Variants in ZC3H18 observed in about 807,000 individuals in gnomAD.
ZC3H18 encodes zinc finger CCCH domain-containing protein 18.
A neutral mutation model predicts 106.1 loss-of-function variants in ZC3H18; 8 were observed. The ratio of observed to expected loss-of-function variants is 0.08; its 90% confidence interval spans 0.04 to 0.14. The LOEUF (loss-of-function observed/expected upper bound fraction) is 0.14. ZC3H18 is among the 10% of genes least tolerant of loss of function. The pLI, the probability that ZC3H18 is intolerant of heterozygous loss-of-function variation, is 1.00. For missense variants in ZC3H18, 1,318 were observed against 1,278.4 expected (o/e 1.03, Z -0.47); for synonymous variants, 635 against 522.1 (o/e 1.22, Z -2.95).
At chr16:88,630,865 T>C (rs987399538) in intron 17 of ZC3H18, among the ~76,000 whole-genome samples, 1 of 151,160 alleles carries the variant, frequency 6.6e-6, no homozygotes, top group African/African-American at 2.4e-5. Flanking sequence ...GTGGGAAGAA[T>C]AACAGGAGGT....
At chr16:88,572,033 A>G (rs1311245632) in intron 1 of ZC3H18, among the ~76,000 whole-genome samples, 1 of 152,246 alleles carries the variant, frequency 6.6e-6, no homozygotes, top group African/African-American at 2.4e-5. Context: ...GTCTTATTCA[A>G]TAGTCACCCT....
chr16:88,588,545 ATCCTGTCTC>A (rs146415319), intron 3 of ZC3H18, among the ~76,000 whole-genome samples: 10,111 of 152,266 alleles, frequency 0.066, 448 homozygotes, highest in Middle Eastern at 0.099. Flanking sequence ...CACAGACAGG[ATCCTGTCTC>A]CTTGCACATC....
Position 88,627,485 on chromosome 16 carries a change from T to C in ZC3H18, c.2109-137T>C, listed in dbSNP as rs1376650569. 2.4e-6 allele frequency: 3 copies of C among 1,231,512 alleles called. No homozygotes were observed. The African/African-American group carries it at 4.5e-5, about 19-fold the overall frequency. The allele number at this position is 1,231,512 out of a possible 1,614,324, so 76.3% of individuals were successfully genotyped here. On this transcript the variant is annotated intron_variant, in intron 13 of 17. Coordinates refer to ENST00000301011, the MANE Select transcript of ZC3H18 (RefSeq NM_144604.4). This position sits in a 1 kb window ranked among gnomAD's most constrained non-coding sequence, Gnocchi z 4.5. ...ACTTTGTAACCCTGAAACTGCCCAG[T>C]GTCCCCCCAAAATCACACATTCCGT...
intron 3 of ZC3H18, among the ~76,000 whole-genome samples, chr16:88,589,582 A>G (rs2142607002): frequency 6.6e-6 from 1 of 152,304 alleles, no homozygotes; most frequent in South Asian, 2.1e-4. Context: ...AGAGACAGAA[A>G]GCAGATTGTG....
rs1906481928 is a variant in ZC3H18, at chr16:88,628,809, C to G, written c.2521C>G (p.Gln841Glu). 2 of 1,614,132 alleles carry G rather than the reference C, an allele frequency of 1.2e-6. No individual in the cohort carries two copies. Among genetic ancestry groups the G allele is most frequent in the Non-Finnish European group, 1.7e-6 (2 of 1,179,998 alleles). Residue 841 changes from glutamine to glutamate, a missense_variant, in exon 16 of 18, where the codon CAG (glutamine) becomes GAG (glutamate). Transcript: ENST00000301011. The stretch of plus-strand genomic sequence containing the variant: ...CTATGAACCATCAGACAAGGACAGG[C>G]AGAGCCCTCCTCCAGCCAAGCGGCC... ...KRYEPSDKDR[Q>E]SPPPAKRPNT...
intron 8 of ZC3H18, among the ~76,000 whole-genome samples, chr16:88,618,939 C>T (rs1721199475): frequency 6.6e-6 from 1 of 152,228 alleles, no homozygotes; most frequent in Admixed American, 6.5e-5. Flanking sequence ...AGCTGAGCCG[C>T]ACTCGGTGGG....
At chr16:88,586,897 G>T (rs1427213441) in intron 3 of ZC3H18, among the ~76,000 whole-genome samples, 2 of 152,174 alleles carry the variant, frequency 1.3e-5, no homozygotes, top group Non-Finnish European at 2.9e-5. Flanking sequence ...TTTAATGACT[G>T]CCTTGGTGGG....
At chr16:88,618,036 T>C (rs1454674455) in intron 8 of ZC3H18, among the ~76,000 whole-genome samples, 1 of 152,394 alleles carries the variant, frequency 6.6e-6, no homozygotes, top group Non-Finnish European at 1.5e-5. Context: ...GGGATTTTCA[T>C]GTGCAGTTGA....
chr16:88,623,687 A>T (rs1906111793), intron 10 of ZC3H18: 1 of 577,820 alleles, frequency 1.7e-6, no homozygotes, highest in South Asian at 2.5e-5. Flanking sequence ...ACTGCCAAGG[A>T]GCCTGTCTCC....
At chr16:88,621,650 C>G (rs35609720) in intron 8 of ZC3H18, among the ~76,000 whole-genome samples, 11,414 of 152,176 alleles carry the variant, frequency 0.075, 496 homozygotes, top group Middle Eastern at 0.11. Context: ...GCCATCGCGC[C>G]CAGCCTAATT....
chr16:88,574,154 CGT>C (rs1270630726), intron 1 of ZC3H18, among the ~76,000 whole-genome samples: 1 of 152,006 alleles, frequency 6.6e-6, no homozygotes, highest in East Asian at 1.9e-4. Flanking sequence ...GGATTACAGG[CGT>C]GAGCCACCAC....
intron 4 of ZC3H18, 133 bp downstream of exon 4, chr16:88,598,459 T>A: frequency 6.8e-7 from 1 of 1,475,344 alleles, no homozygotes; most frequent in Non-Finnish European, 9.2e-7. Flanking sequence ...TCGTCCCGAG[T>A]GGAAGCAGGC....
intron 15 of ZC3H18, 52 bp downstream of exon 15, chr16:88,628,171 A>G (rs373458445): frequency 1.7e-4 from 263 of 1,588,080 alleles, no homozygotes; most frequent in Non-Finnish European, 2.2e-4. Context: ...GCCTGGGTCC[A>G]TCTGCTTCCT....
chr16:88,602,139 G>A (rs991835037), intron 6 of ZC3H18, among the ~76,000 whole-genome samples: 3 of 152,152 alleles, frequency 2.0e-5, no homozygotes, highest in African/African-American at 4.8e-5. Flanking sequence ...CAGCCTTCTC[G>A]GTCCTACCTG....
chr16:88,599,084 C>T (rs1475272359), intron 5 of ZC3H18, among the ~76,000 whole-genome samples: 2 of 152,330 alleles, frequency 1.3e-5, no homozygotes, highest in East Asian at 1.9e-4. Context: ...GAGTTCAGTC[C>T]AGGGCATACC....
intron 2 of ZC3H18, among the ~76,000 whole-genome samples, chr16:88,584,860 C>T (rs1597325409): frequency 6.6e-6 from 1 of 152,264 alleles, no homozygotes; most frequent in South Asian, 2.1e-4. Flanking sequence ...CATCCTGATG[C>T]GGGAAAAACC....
chr16:88,599,418 C>T (rs888677416), intron 5 of ZC3H18, among the ~76,000 whole-genome samples: 5 of 152,180 alleles, frequency 3.3e-5, no homozygotes, highest in Non-Finnish European at 7.4e-5. Flanking sequence ...TGGGAAATGA[C>T]GGACAAGATG....
chr16:88,625,685 A>G (rs1424632109), intron 13 of ZC3H18: 7 of 201,804 alleles, frequency 3.5e-5, no homozygotes, highest in African/African-American at 1.2e-4. Flanking sequence ...CGATAAAAAC[A>G]TCTGAGAAGA....
At chr16:88,598,534 G>A in intron 4 of ZC3H18, 86 bp from the exon 5 acceptor site, 1 of 1,474,754 alleles carries the variant, frequency 6.8e-7, no homozygotes, top group Non-Finnish European at 9.3e-7. Flanking sequence ...GCCGGCTTGT[G>A]TTGTAGTTGA....
Sources: gnomAD v4.1 joint callset for allele counts (sites outside exome capture counted in the v4.1 genomes callset) on GRCh38, gnomAD v4.1.1 for gene constraint, Gnocchi (gnomAD v3.1) non-coding constraint, MANE v1.5 for transcripts, NCBI Gene and HGNC (gene_info 2026-07-23, HGNC 2026-07-21) for gene names.